Variants in PCDH9 observed in about 807,000 individuals in gnomAD.
The protein encoded by PCDH9 is protocadherin 9, also known as protocadherin-9.
Under a neutral mutation model 70.6 loss-of-function variants are expected in PCDH9, and 24 were observed. That is an observed-to-expected ratio of 0.34 (90% CI 0.25 to 0.48). The LOEUF is 0.48. Ranked by LOEUF, PCDH9 falls within the 20% of genes least tolerant of loss-of-function variation. PCDH9 has a pLI of 0.99. For missense variants in PCDH9, 1,281 were observed against 1,503.6 expected, an observed-to-expected ratio of 0.85 and a Z score of 2.45; for synonymous variants, 562 against 558.5, an observed-to-expected ratio of 1.01 and a Z score of -0.09.
At chr13:66,802,754 A>T (rs533507953) in intron 3 of PCDH9, among the ~76,000 whole-genome samples, 2 of 152,142 alleles carry the variant, frequency 1.3e-5, no homozygotes, top group Non-Finnish European at 2.9e-5. Context: ...AATAACAAAA[A>T]ATCTTGGCAT....
At chr13:67,053,192 A>G (rs2085354394) in intron 2 of PCDH9, among the ~76,000 whole-genome samples, 2 of 152,142 alleles carry the variant, frequency 1.3e-5, no homozygotes, top group Non-Finnish European at 2.9e-5. Context: ...TATCCAACTC[A>G]TTTTTTTAAA....
intron 2 of PCDH9, among the ~76,000 whole-genome samples, chr13:67,103,424 G>A (rs879526314): frequency 2.6e-5 from 4 of 152,018 alleles, no homozygotes; most frequent in East Asian, 1.9e-4. Flanking sequence ...TTGTTTACAC[G>A]TAACAATCAG....
chr13:66,444,259 G>A (rs1480903118), intron 4 of PCDH9, among the ~76,000 whole-genome samples: 2 of 152,146 alleles, frequency 1.3e-5, no homozygotes, highest in East Asian at 3.9e-4. Context: ...AATTCCTTTT[G>A]ATCAGAATTA....
chr13:66,740,844 A>C (rs2079251664), intron 3 of PCDH9, among the ~76,000 whole-genome samples: 1 of 144,126 alleles, frequency 6.9e-6, no homozygotes, highest in Non-Finnish European at 1.5e-5. Context: ...TTGTGGCAAT[A>C]ATCAATAGTT....
chr13:66,412,264 C>A (rs1194769146), intron 4 of PCDH9, among the ~76,000 whole-genome samples: 1 of 152,184 alleles, frequency 6.6e-6, no homozygotes, highest in African/African-American at 2.4e-5. Flanking sequence ...TGGGCTCAAG[C>A]AACTCTCCCA....
At chr13:66,998,731 T>C (rs539305291) in intron 2 of PCDH9, among the ~76,000 whole-genome samples, 18 of 152,310 alleles carry the variant, frequency 1.2e-4, no homozygotes, top group Admixed American at 4.6e-4. Flanking sequence ...TAACCAGCCC[T>C]TACACTCAAT....
chr13:66,861,915 T>A (rs1031362722), intron 3 of PCDH9, among the ~76,000 whole-genome samples: 1 of 152,170 alleles, frequency 6.6e-6, no homozygotes, highest in Admixed American at 6.5e-5. Context: ...AAAAAAATAT[T>A]GTTATACATT....
At chr13:66,825,717 G>T (rs1001442707) in intron 3 of PCDH9, among the ~76,000 whole-genome samples, 2 of 152,116 alleles carry the variant, frequency 1.3e-5, no homozygotes, top group Non-Finnish European at 2.9e-5. Context: ...ATAAAAGTAG[G>T]CATGTTTCAA....
chr13:66,977,161 C>T (rs181240801), intron 2 of PCDH9, among the ~76,000 whole-genome samples: 13 of 152,168 alleles, frequency 8.5e-5, no homozygotes, highest in Admixed American at 3.3e-4. Context: ...TAATATTTTG[C>T]TCTTTTTGAA....
At chr13:67,002,006 A>T (rs1462097034) in intron 2 of PCDH9, 3 of 152,206 alleles carry the variant, frequency 2.0e-5, no homozygotes, top group African/African-American at 7.2e-5. Context: ...TAGTACCAAG[A>T]AATGTGCTCC....
chr13:66,737,846 C>A (rs994155810), intron 3 of PCDH9, among the ~76,000 whole-genome samples: 1 of 152,140 alleles, frequency 6.6e-6, no homozygotes, highest in East Asian at 1.9e-4. Context: ...GAGGGTCCTA[C>A]GCCCATGGAA....
At chr13:66,822,137 C>CACACAA (rs893465399) in intron 3 of PCDH9, among the ~76,000 whole-genome samples, 3 of 1,088 alleles carry the variant, frequency 2.8e-3, no homozygotes, top group Admixed American at 0.1. Flanking sequence ...CACACACGCG[C>CACACAA]ACACACACAC....
intron 2 of PCDH9, among the ~76,000 whole-genome samples, chr13:67,101,907 C>T (rs1196187685): frequency 6.6e-6 from 1 of 152,062 alleles, no homozygotes; most frequent in Non-Finnish European, 1.5e-5. Context: ...CATTATGCCT[C>T]TGTGGAATAC....
At chr13:66,502,628 G>A (rs1314123567) in intron 4 of PCDH9, among the ~76,000 whole-genome samples, 1 of 115,938 alleles carries the variant, frequency 8.6e-6, no homozygotes. Context: ...ACTGAAGAAT[G>A]TCTAGATAGT....
chr13:67,155,879 T>G (rs1051548151), intron 2 of PCDH9, among the ~76,000 whole-genome samples: 1 of 152,120 alleles, frequency 6.6e-6, no homozygotes, highest in Non-Finnish European at 1.5e-5. Context: ...AACTCAAATA[T>G]TAACACAATC....
chr13:67,224,769 G>A lies in PCDH9; in HGVS notation c.3036+636C>T, dbSNP rs371143989. The A allele has an allele frequency of 1.9e-5, 16 of 846,652 alleles. No individual in the cohort carries two copies. The East Asian group carries it at 6.3e-4, about 33-fold the overall frequency. The allele number at this position is 846,652 out of a possible 1,614,324, so 52.4% of individuals were successfully genotyped here. On this transcript the variant is annotated intron_variant, in intron 2 of 4. Coordinates refer to ENST00000377865, the MANE Select transcript of PCDH9 (RefSeq NM_203487.3). ...TTTTGAAAGAGTATTTGGCCACTGC[G>A]GACACTAAAAATCTTTCTATTAAGT...
chr13:66,890,169 A>T (rs1216999134), intron 3 of PCDH9, among the ~76,000 whole-genome samples: 2 of 152,170 alleles, frequency 1.3e-5, no homozygotes, highest in Non-Finnish European at 1.5e-5. Context: ...GAAAAAATTC[A>T]TTCTCTAGGG....
intron 3 of PCDH9, among the ~76,000 whole-genome samples, chr13:66,682,807 G>T (rs2078346325): frequency 6.6e-6 from 1 of 152,048 alleles, no homozygotes; most frequent in African/African-American, 2.4e-5. Flanking sequence ...TATCAGAGTT[G>T]AAGCTTTGAA....
intron 3 of PCDH9, among the ~76,000 whole-genome samples, chr13:66,674,411 T>C (rs1211077672): frequency 7.0e-6 from 1 of 142,904 alleles, no homozygotes; most frequent in East Asian, 2.3e-4. Flanking sequence ...TTCCACTTTA[T>C]ACTGTATTGT....
Sources: allele counts gnomAD v4.1 joint callset (sites outside exome capture counted in the v4.1 genomes callset), GRCh38; gene constraint gnomAD v4.1.1; transcripts MANE v1.5; gene names NCBI Gene and HGNC (gene_info 2026-07-23, HGNC 2026-07-21).